MIDEAS: variants seen among roughly 807,000 people sequenced by gnomAD.
The protein encoded by MIDEAS is mitotic deacetylase associated SANT domain protein, also known as mitotic deacetylase-associated SANT domain protein.
A neutral mutation model predicts 102.7 loss-of-function variants in MIDEAS; 26 were observed. That is an observed-to-expected ratio of 0.25 (90% CI 0.19 to 0.35). The LOEUF (loss-of-function observed/expected upper bound fraction) is 0.35. MIDEAS is among the 10% of genes least tolerant of loss of function. The probability of loss-of-function intolerance (pLI) is 1.00; values close to 1 mark genes in which losing one functional copy is unlikely to be tolerated. For missense variants in MIDEAS, 1,231 were observed against 1,435.6 expected (o/e 0.86, Z 2.30); for synonymous variants, 585 against 591.0 (o/e 0.99, Z 0.15).
upstream of MIDEAS, among the ~76,000 whole-genome samples, chr14:73,763,135 G>A (rs1482412490): frequency 3.3e-5 from 5 of 152,058 alleles, no homozygotes; most frequent in African/African-American, 1.2e-4. Flanking sequence ...CAGGAGTTTA[G>A]AGACCAGCCT....
At position 73,722,804 on chromosome 14, in the gene MIDEAS, G is replaced by A. The variant is rs758089284; in HGVS notation, c.2618C>T (p.Thr873Ile). 6.2e-7 allele frequency: 1 copy of A among 1,614,170 alleles called. No individual in the cohort carries two copies. Among genetic ancestry groups the A allele is most frequent in the South Asian group, 1.1e-5 (1 of 91,084 alleles). Residue 873 changes from threonine to isoleucine, a missense_variant, in exon 10 of 13, where the codon ACC (threonine) becomes ATC (isoleucine). Physicochemically the swap from Thr to Ile is moderately conservative, Grantham distance 89. Coordinates refer to ENST00000423556, the MANE Select transcript of MIDEAS (RefSeq NM_001367710.1). The stretch of plus-strand genomic sequence containing the variant: ...GCCGATTTTCACCTGCTTCTTGTAG[G>A]TGTAGTAGAACTCCACGCACTGGGC... ...TVAQCVEFYY[T>I]YKKQVKIGRN... is the part of the protein sequence containing the mutation.
At chr14:73,782,688 A>C (rs1269491406) in intron 1 of MIDEAS, among the ~76,000 whole-genome samples, 1 of 152,240 alleles carries the variant, frequency 6.6e-6, no homozygotes, top group African/African-American at 2.4e-5. Flanking sequence ...TTGGTTCCTC[A>C]GAAGGTCAGG....
chr14:73,752,529 G>T (rs1377623415), intron 1 of MIDEAS, among the ~76,000 whole-genome samples: 1 of 152,134 alleles, frequency 6.6e-6, no homozygotes, highest in Non-Finnish European at 1.5e-5. Flanking sequence ...GTAAAGAACG[G>T]GGGCAATATG....
At chr14:73,779,550 ATTTG>A (rs1238883293) in intron 1 of MIDEAS, among the ~76,000 whole-genome samples, 2 of 144,808 alleles carry the variant, frequency 1.4e-5, no homozygotes, top group African/African-American at 2.6e-5. Flanking sequence ...TTTTTTTTTA[ATTTG>A]TTTATTATTA....
chr14:73,758,842 G>A (rs1264949664), intron 1 of MIDEAS: 1 of 154,422 alleles, frequency 6.5e-6, no homozygotes, highest in Non-Finnish European at 1.5e-5. Flanking sequence ...GAAGGCCCCA[G>A]GGCACACGAA....
rs889627697 is a variant in MIDEAS, at chr14:73,715,192, A to G, written c.*3651T>C. 6.6e-6 allele frequency: 1 copy of G among 152,666 alleles called. No homozygotes were observed. Among genetic ancestry groups the G allele is most frequent in the African/African-American group, 2.4e-5 (1 of 41,472 alleles). The allele number at this position is 152,666 out of a possible 1,614,324, so 9.5% of individuals were successfully genotyped here. On this transcript the variant is annotated 3_prime_UTR_variant, in exon 13 of 13. Coordinates refer to ENST00000423556, the MANE Select transcript of MIDEAS (RefSeq NM_001367710.1). ...GAACATTCAAAAGTAAATAAGTTAC[A>G]TAGGTACATTACAATCACATCAGCA...
chr14:73,756,955 G>A (rs1006685828), intron 1 of MIDEAS, among the ~76,000 whole-genome samples: 7 of 152,006 alleles, frequency 4.6e-5, no homozygotes, highest in Non-Finnish European at 1.0e-4. Context: ...TTTTGATGGA[G>A]ATCTTTCACT....
rs1192188342 is a variant in MIDEAS at position 73,722,855 on chromosome 14, G to C, written c.2575-8C>G. On this transcript the variant is annotated splice_region_variant and splice_polypyrimidine_tract_variant and intron_variant, in intron 9 of 12. Transcript: ENST00000423556. The stretch of plus-strand genomic sequence containing the variant: ...CACGGTCTTGGTCTGGATCTGGTTT[G>C]AAGTCAAAACTGAGGTCAGAACCCT... The C allele has an allele frequency of 1.9e-6, 3 of 1,613,836 alleles. No homozygotes were observed. The highest frequency in any genetic ancestry group is 2.5e-6 in the Non-Finnish European group (3 of 1,179,816).
At chr14:73,737,565 G>A (rs1177500882) in intron 2 of MIDEAS, among the ~76,000 whole-genome samples, 3 of 152,036 alleles carry the variant, frequency 2.0e-5, no homozygotes, top group Non-Finnish European at 4.4e-5. Context: ...AGTTAAGGCT[G>A]CGGTGAGCCG....
chr14:73,723,781 T>C, intron 9 of MIDEAS: 1 of 152,230 alleles, frequency 6.6e-6, no homozygotes, highest in South Asian at 2.1e-4. Context: ...AGGGAAAAGG[T>C]CTGGGCACCA....
chr14:73,775,536 G>A (rs953584541), intron 1 of MIDEAS, among the ~76,000 whole-genome samples: 3 of 151,968 alleles, frequency 2.0e-5, no homozygotes, highest in Non-Finnish European at 2.9e-5. Context: ...GCATCTAAGC[G>A]ATCCAAGCCT....
chr14:73,788,157 A>G (rs1328270712), upstream of MIDEAS, among the ~76,000 whole-genome samples: 2 of 101,390 alleles, frequency 2.0e-5, no homozygotes, highest in East Asian at 5.6e-4. Context: ...TTGCTGGTGA[A>G]AAAAAAAAAA....
In MIDEAS at chr14:73,718,222, C is replaced by G. The variant is rs2140088980; in HGVS notation, c.*621G>C. Reference sequence around the variant, plus strand: ...AGCAGCAAAGGGAGAGTACCTGCCGCGGCCTCCCTCCCAAGGAGGAGGTGG... The same window carrying G: ...AGCAGCAAAGGGAGAGTACCTGCCGGGGCCTCCCTCCCAAGGAGGAGGTGG... On this transcript the variant is annotated 3_prime_UTR_variant, in exon 13 of 13. Transcript: ENST00000423556. The G allele has an allele frequency of 6.6e-6, 1 of 152,498 alleles. No homozygotes were observed. The highest frequency in any genetic ancestry group is 1.5e-5 in the Non-Finnish European group (1 of 68,220). 9.4% of individuals were successfully genotyped at this position (152,498 alleles called of 1,614,324 possible).
chr14:73,734,114 A>C (rs1207853931), intron 3 of MIDEAS, among the ~76,000 whole-genome samples: 1 of 151,728 alleles, frequency 6.6e-6, no homozygotes, highest in African/African-American at 2.4e-5. Flanking sequence ...CCTCCCAAGT[A>C]GCTGGGATTA....
upstream of MIDEAS, among the ~76,000 whole-genome samples, chr14:73,760,815 T>C (rs2053547996): frequency 6.6e-6 from 1 of 152,190 alleles, no homozygotes; most frequent in South Asian, 2.1e-4. This position sits in a 1 kb window ranked among gnomAD's most constrained non-coding sequence, Gnocchi z 4.8. Flanking sequence ...GAGGAAAATC[T>C]CCTGGATTTA....
At chr14:73,760,921 C>G (rs887303451), upstream of MIDEAS, among the ~76,000 whole-genome samples, 1 of 152,178 alleles carries the variant, frequency 6.6e-6, no homozygotes, top group Admixed American at 6.5e-5. The surrounding 1 kb of genome is among the most constrained non-coding windows in gnomAD (Gnocchi z 4.8). Context: ...ATTCTCAGGT[C>G]CAGGCCTTGA....
intron 1 of MIDEAS, among the ~76,000 whole-genome samples, chr14:73,752,179 C>A (rs187843711): frequency 2.8e-4 from 42 of 152,288 alleles, no homozygotes; most frequent in Non-Finnish European, 4.7e-4. Flanking sequence ...GGTGCCCACT[C>A]ACTCCAAAGA....
chr14:73,752,083 T>C (rs1017481580), intron 1 of MIDEAS, among the ~76,000 whole-genome samples: 6 of 152,124 alleles, frequency 3.9e-5, no homozygotes, highest in Non-Finnish European at 8.8e-5. Context: ...TATCTCCACA[T>C]GGTGCTCTCA....
Position 73,740,089 on chromosome 14 carries a change from G to A in MIDEAS, c.-81C>T. ...TGGGGAAACGTCCTGCTGGAAGCCG[G>A]GCTCTAGTCCAGGAGCCAGGGAGGG... On this transcript the variant is annotated 5_prime_UTR_variant, in exon 2 of 13. Coordinates refer to ENST00000423556, the MANE Select transcript of MIDEAS (RefSeq NM_001367710.1). 7.1e-7 allele frequency: 1 copy of A among 1,410,022 alleles called. No individual in the cohort carries two copies. The highest frequency in any genetic ancestry group is 9.2e-7 in the Non-Finnish European group (1 of 1,082,764). 87.3% of individuals were successfully genotyped at this position (1,410,022 alleles called of 1,614,324 possible).
Sources: gnomAD v4.1 joint callset for allele counts (sites outside exome capture counted in the v4.1 genomes callset) on GRCh38, gnomAD v4.1.1 for gene constraint, Gnocchi (gnomAD v3.1) non-coding constraint, MANE v1.5 for transcripts, NCBI Gene and HGNC (gene_info 2026-07-23, HGNC 2026-07-21) for gene names.